Variants in CPA6 observed in about 807,000 individuals in gnomAD.
CPA6 encodes the protein carboxypeptidase B.
A neutral mutation model predicts 63.3 loss-of-function variants in CPA6; 58 were observed. The ratio of observed to expected loss-of-function variants is 0.92; its 90% CI spans 0.74 to 1.14. The LOEUF (loss-of-function observed/expected upper bound fraction) is 1.14. CPA6 is among the 50% of genes most tolerant of loss of function. The pLI is 0.00. For synonymous variants in CPA6, 185 were observed against 179.0 expected (o/e 1.03, Z -0.27); for missense variants, 565 against 526.6 (o/e 1.07, Z -0.71).
chr8:67,640,344 C>T lies in CPA6; in HGVS notation c.117-16093G>A, dbSNP rs142276541. Among the ~76,000 whole-genome samples, 1,216 of 151,542 alleles carry T rather than the reference C, an allele frequency of 8.0e-3. 18 individuals are homozygous for T. The highest frequency in any genetic ancestry group is 0.012 in the Non-Finnish European group (785 of 68,018). On this transcript the variant is annotated intron_variant, in intron 1 of 10. Coordinates refer to ENST00000297770, the MANE Select transcript of CPA6 (RefSeq NM_020361.5). The stretch of plus-strand genomic sequence containing the variant: ...CTGCCTTCAGTACCCCTTTGGCCTC[C>T]CTCCAGTGCTTGTTGGTGCCCCAAA...
intron 1 of CPA6, among the ~76,000 whole-genome samples, chr8:67,709,849 G>A (rs1193265619): frequency 6.6e-6 from 1 of 152,144 alleles, no homozygotes; most frequent in Non-Finnish European, 1.5e-5. Context: ...GGTGGCTCAC[G>A]CCTGTAATCC....
At chr8:67,628,405 G>A (rs987007137) in intron 1 of CPA6, among the ~76,000 whole-genome samples, 3 of 152,104 alleles carry the variant, frequency 2.0e-5, no homozygotes, top group East Asian at 1.9e-4. Context: ...ATGACCTTTC[G>A]CAACTGATTC....
In CPA6 at chr8:67,475,450, A is replaced by G. The variant is rs188277228; in HGVS notation, c.838+8318T>C. ...TAAAATGATCAAGAAAACAATGTAA[A>G]TACACGGCACAGTTCTCAAAAATGT... is the stretch of plus-strand genomic sequence containing the variant. On this transcript the variant is annotated intron_variant, in intron 8 of 10. Transcript: ENST00000297770. Among the ~76,000 whole-genome samples the G allele has an allele frequency of 3.9e-5, 6 of 152,376 alleles. No individual in the cohort carries two copies. In the East Asian group the frequency reaches 1.2e-3, roughly 29 times the overall value.
intron 1 of CPA6, among the ~76,000 whole-genome samples, chr8:67,742,654 C>T (rs1467378841): frequency 6.6e-6 from 1 of 152,164 alleles, no homozygotes; most frequent in African/African-American, 2.4e-5. Flanking sequence ...CTTGAATCCT[C>T]CCAGCAACTT....
chr8:67,541,566 G>T (rs943402892), intron 2 of CPA6, among the ~76,000 whole-genome samples: 3 of 152,146 alleles, frequency 2.0e-5, no homozygotes, highest in Admixed American at 6.5e-5. Context: ...GACCCCCTTA[G>T]AGTTGTGAGC....
intron 8 of CPA6, among the ~76,000 whole-genome samples, chr8:67,465,630 T>G (rs1221334401): frequency 6.6e-6 from 1 of 152,112 alleles, no homozygotes; most frequent in South Asian, 2.1e-4. Flanking sequence ...GGCCCTGGGT[T>G]TGTCATAGAT....
At chr8:67,451,382 T>C (rs551580475) in intron 8 of CPA6, among the ~76,000 whole-genome samples, 8 of 152,288 alleles carry the variant, frequency 5.3e-5, no homozygotes, top group African/African-American at 1.9e-4. Context: ...GGTTGTGTGC[T>C]CCTTATGAGA....
intron 1 of CPA6, among the ~76,000 whole-genome samples, chr8:67,689,269 T>TG (rs1816769083): frequency 6.9e-6 from 1 of 144,882 alleles, no homozygotes; most frequent in Non-Finnish European, 1.5e-5. Context: ...TATAAACTTC[T>TG]TCTTCAAAAA....
intron 2 of CPA6, among the ~76,000 whole-genome samples, chr8:67,588,007 G>T (rs1435358260): frequency 6.6e-6 from 1 of 152,144 alleles, no homozygotes; most frequent in African/African-American, 2.4e-5. Context: ...AGTGGTACAG[G>T]TGTGCTTGAG....
chr8:67,541,792 C>A (rs1253938944), intron 2 of CPA6, among the ~76,000 whole-genome samples: 1 of 152,204 alleles, frequency 6.6e-6, no homozygotes, highest in Non-Finnish European at 1.5e-5. Flanking sequence ...GAGGCGACAG[C>A]CCACCCTGCT....
At chr8:67,730,248 A>G (rs1817681067) in intron 1 of CPA6, among the ~76,000 whole-genome samples, 1 of 152,148 alleles carries the variant, frequency 6.6e-6, no homozygotes, top group South Asian at 2.1e-4. Context: ...GGGTTTGGTT[A>G]TTTGCTAGGA....
At chr8:67,695,013 C>A (rs570262391) in intron 1 of CPA6, among the ~76,000 whole-genome samples, 1 of 152,178 alleles carries the variant, frequency 6.6e-6, no homozygotes, top group African/African-American at 2.4e-5. Context: ...GGATAGACCT[C>A]TCTGAATGGG....
chr8:67,648,031 A>G (rs889998742), intron 1 of CPA6, among the ~76,000 whole-genome samples: 8 of 152,110 alleles, frequency 5.3e-5, no homozygotes, highest in African/African-American at 1.7e-4. Context: ...TGTCCTATTA[A>G]TCTGCCTTTG....
intron 8 of CPA6, among the ~76,000 whole-genome samples, chr8:67,461,408 C>T (rs1469323386): frequency 1.3e-5 from 2 of 149,080 alleles, no homozygotes; most frequent in Non-Finnish European, 3.0e-5. Flanking sequence ...GATCCCAAGG[C>T]AGAAGAATTT....
intron 2 of CPA6, among the ~76,000 whole-genome samples, chr8:67,564,377 T>G (rs1349350490): frequency 6.6e-6 from 1 of 152,070 alleles, no homozygotes; most frequent in Non-Finnish European, 1.5e-5. Context: ...TATTTCTTTC[T>G]CTGGGATGCA....
intron 8 of CPA6, among the ~76,000 whole-genome samples, chr8:67,446,396 G>T (rs1810417730): frequency 6.6e-6 from 1 of 151,764 alleles, no homozygotes; most frequent in Non-Finnish European, 1.5e-5. Context: ...AAGAACTGGG[G>T]TTACAGGTAT....
At chr8:67,431,445 T>C (rs1006134522) in intron 9 of CPA6, among the ~76,000 whole-genome samples, 1 of 151,492 alleles carries the variant, frequency 6.6e-6, no homozygotes, top group African/African-American at 2.4e-5. Context: ...GGTTAAACCA[T>C]GTTGCCCAGG....
intron 1 of CPA6, among the ~76,000 whole-genome samples, chr8:67,639,474 C>G (rs1026573252): frequency 6.6e-6 from 1 of 151,676 alleles, no homozygotes; most frequent in African/African-American, 2.4e-5. Context: ...CAGGCAGCTG[C>G]AGATGCTGGT....
chr8:67,722,450 G>A (rs939727589), intron 1 of CPA6, among the ~76,000 whole-genome samples: 2 of 152,152 alleles, frequency 1.3e-5, no homozygotes, highest in South Asian at 2.1e-4. Context: ...TTTGAGAGCC[G>A]CTCATTTCCT....
Sources: gnomAD v4.1 joint callset for allele counts (sites outside exome capture counted in the v4.1 genomes callset) on GRCh38, gnomAD v4.1.1 for gene constraint, MANE v1.5 for transcripts, NCBI Gene and HGNC (gene_info 2026-07-23, HGNC 2026-07-21) for gene names.